ATF7IP2: variants seen among roughly 807,000 people sequenced by gnomAD.
ATF7IP2 encodes activating transcription factor 7 interacting protein 2.
A neutral mutation model predicts 64.2 loss-of-function variants in ATF7IP2; 42 were observed. That is an observed-to-expected ratio of 0.65 (90% CI 0.51 to 0.85). The LOEUF is 0.85. ATF7IP2 is among the 40% of genes least tolerant of loss of function. The pLI is 0.00. For synonymous variants in ATF7IP2, 308 were observed against 272.8 expected, an observed-to-expected ratio of 1.13 and a Z score of -1.27; for missense variants, 933 against 784.2, an observed-to-expected ratio of 1.19 and a Z score of -2.27.
intron 12 of ATF7IP2, among the ~76,000 whole-genome samples, chr16:10,478,169 G>C (rs1328242656): frequency 6.7e-6 from 1 of 149,468 alleles, no homozygotes; most frequent in Non-Finnish European, 1.5e-5. Context: ...AGTTCATATG[G>C]AACCAAAAAA....
At position 10,419,332 on chromosome 16, in the gene ATF7IP2, A is replaced by G. The variant is rs554370373; in HGVS notation, c.-202-249A>G. On this transcript the variant is annotated intron_variant, in intron 2 of 13. Transcript: ENST00000562102. ...AAATATTCCTAACAGTTCCTTCCTC[A>G]TGTGGGTGAGACGGGCCTCTATTAT... Among the ~76,000 whole-genome samples the G allele has an allele frequency of 2.0e-4, 30 of 152,296 alleles. 1 individual carries two copies. The highest frequency in any genetic ancestry group is 7.2e-4 in the African/African-American group (30 of 41,566).
intron 3 of ATF7IP2, among the ~76,000 whole-genome samples, chr16:10,428,259 C>T (rs1428682985): frequency 1.3e-5 from 2 of 152,118 alleles, no homozygotes; most frequent in Non-Finnish European, 2.9e-5. Flanking sequence ...CTTTATTATA[C>T]TTTGTAATTA....
intron 9 of ATF7IP2, among the ~76,000 whole-genome samples, chr16:10,460,659 G>A (rs1272139618): frequency 6.6e-5 from 10 of 151,848 alleles, no homozygotes; most frequent in African/African-American, 2.2e-4. Flanking sequence ...TTATGTTGGG[G>A]GAAATATGAA....
intron 9 of ATF7IP2, among the ~76,000 whole-genome samples, chr16:10,459,123 C>T (rs1446279008): frequency 2.6e-5 from 4 of 151,796 alleles, no homozygotes; most frequent in African/African-American, 7.3e-5. Context: ...CACCTGAGGT[C>T]GGGAGTTCGA....
chr16:10,406,580 T>G (rs995350290), intron 1 of ATF7IP2, among the ~76,000 whole-genome samples: 1 of 152,112 alleles, frequency 6.6e-6, no homozygotes, highest in African/African-American at 2.4e-5. Flanking sequence ...ATGCAGACTA[T>G]GAAAAAGAAC....
intron 1 of ATF7IP2, among the ~76,000 whole-genome samples, chr16:10,405,999 G>C (rs765017547): frequency 1.6e-4 from 24 of 152,004 alleles, no homozygotes; most frequent in Non-Finnish European, 3.5e-4. Context: ...TGAAGCAGGA[G>C]AATTGCTTGA....
intron 12 of ATF7IP2, among the ~76,000 whole-genome samples, chr16:10,474,369 C>T (rs1467611082): frequency 1.3e-5 from 2 of 151,956 alleles, no homozygotes; most frequent in African/African-American, 4.8e-5. Context: ...CAAGAGTAGC[C>T]CGTGGTGTGG....
At chr16:10,476,314 T>TA (rs1178182105) in intron 12 of ATF7IP2, among the ~76,000 whole-genome samples, 1 of 152,184 alleles carries the variant, frequency 6.6e-6, no homozygotes, top group African/African-American at 2.4e-5. Flanking sequence ...AAAATATAAG[T>TA]AAAAGAAATT....
chr16:10,390,576 G>GT (rs1192765633), intron 1 of ATF7IP2, among the ~76,000 whole-genome samples: 17 of 152,140 alleles, frequency 1.1e-4, no homozygotes, highest in Non-Finnish European at 2.1e-4. Flanking sequence ...GAGGTCAGGA[G>GT]TTTGAGACCC....
intron 8 of ATF7IP2, among the ~76,000 whole-genome samples, chr16:10,443,926 C>T (rs560264408): frequency 1.3e-5 from 2 of 152,152 alleles, no homozygotes; most frequent in Non-Finnish European, 2.9e-5. Context: ...GCACAGGGAC[C>T]TTCCGTGAAA....
Position 10,481,910 on chromosome 16 carries a change from C to T in ATF7IP2, c.1710C>T (p.Thr570=), listed in dbSNP as rs757659166. Residue 570 remains threonine (T), a synonymous_variant, in exon 14 of 14, where the codon ACC becomes ACT. Transcript: ENST00000562102. ...CACTACCTGAATTAGTAGACAAAAC[C>T]CGAGACACACTTCCTCCCCAGAAGC... The part of the protein sequence containing the change: ...PAPLPELVDK[T]RDTLPPQKPE... 6.8e-6 allele frequency: 11 copies of T among 1,613,792 alleles called. No homozygotes were observed. Among genetic ancestry groups the T allele is most frequent in the South Asian group, 1.1e-5 (1 of 91,034 alleles).
At chr16:10,433,056 T>A (rs894996428) in intron 5 of ATF7IP2, among the ~76,000 whole-genome samples, 6 of 152,210 alleles carry the variant, frequency 3.9e-5, no homozygotes, top group Admixed American at 1.3e-4. Flanking sequence ...TAACTCATTT[T>A]TTTTCAAGGT....
In ATF7IP2 at chr16:10,430,661, C is replaced by G; in HGVS notation, c.41C>G (p.Ala14Gly). 6.2e-7 allele frequency: 1 copy of G among 1,613,748 alleles called. No individual in the cohort carries two copies. Among genetic ancestry groups the G allele is most frequent in the Non-Finnish European group, 8.5e-7 (1 of 1,179,900 alleles). ...PDRSKRKILKAKKTMPLSCRK... is the reference protein window; with the variant it reads ...PDRSKRKILKGKKTMPLSCRK... ...AGAAGTAAACGGAAGATATTAAAAGCCAAAAAGACAATGCCCCTAAGTTGC... is the reference window on the plus strand; with the variant it reads ...AGAAGTAAACGGAAGATATTAAAAGGCAAAAAGACAATGCCCCTAAGTTGC... Residue 14 changes from alanine to glycine, a missense_variant, in exon 5 of 14, where the codon GCC becomes GGC. Transcript: ENST00000562102.
chr16:10,406,044 G>T (rs867887579), intron 1 of ATF7IP2, among the ~76,000 whole-genome samples: 1 of 151,800 alleles, frequency 6.6e-6, no homozygotes, highest in South Asian at 2.1e-4. Context: ...AGCTGAGATC[G>T]TGCCACTGCA....
chr16:10,422,317 A>G (rs1478670212), intron 3 of ATF7IP2, among the ~76,000 whole-genome samples: 1 of 152,158 alleles, frequency 6.6e-6, no homozygotes, highest in Non-Finnish European at 1.5e-5. Context: ...TTTCCACTTG[A>G]AGCAGTTCCT....
chr16:10,448,006 C>T (rs2048867210), intron 8 of ATF7IP2: 1 of 152,162 alleles, frequency 6.6e-6, no homozygotes, highest in Non-Finnish European at 1.5e-5. Context: ...CCAGGTTTCC[C>T]AACACCATTT....
intron 1 of ATF7IP2, among the ~76,000 whole-genome samples, chr16:10,410,923 G>A (rs1460533058): frequency 6.6e-6 from 1 of 152,104 alleles, no homozygotes; most frequent in African/African-American, 2.4e-5. Context: ...AATCATAAAG[G>A]GATGCTGGAT....
intron 9 of ATF7IP2, among the ~76,000 whole-genome samples, chr16:10,470,636 T>C (rs2049759106): frequency 6.6e-6 from 1 of 151,880 alleles, no homozygotes; most frequent in African/African-American, 2.4e-5. Context: ...TTTTAAAAAG[T>C]TAGCCAGGCC....
intron 12 of ATF7IP2, among the ~76,000 whole-genome samples, chr16:10,480,232 G>A (rs12597584): frequency 7.3e-5 from 11 of 151,706 alleles, no homozygotes; most frequent in Middle Eastern, 6.8e-3. Flanking sequence ...AGTCATCTGC[G>A]TCCTAAAGTG....
Sources: allele counts gnomAD v4.1 joint callset (sites outside exome capture counted in the v4.1 genomes callset), GRCh38; gene constraint gnomAD v4.1.1; transcripts MANE v1.5; gene names NCBI Gene and HGNC (gene_info 2026-07-23, HGNC 2026-07-21).